The following PARD3B variants were observed in gnomAD, a reference collection of about 807,000 sequenced individuals.
The protein encoded by PARD3B is par-3 family cell polarity regulator beta, also known as partitioning defective 3 homolog B.
PARD3B carries 103 observed loss-of-function variants against 130.2 expected under a neutral mutation model. That is an observed-to-expected ratio of 0.79 (90% confidence interval 0.67 to 0.93). The LOEUF is 0.93. Ranked by LOEUF, PARD3B falls within the 40% of genes least tolerant of loss-of-function variation. PARD3B has a pLI of 0.00. For missense variants in PARD3B, 1,609 were observed against 1,499.2 expected, an observed-to-expected ratio of 1.07 and a Z score of -1.21; for synonymous variants, 583 against 553.2, an observed-to-expected ratio of 1.05 and a Z score of -0.76.
chr2:205,493,135 A>T (rs917455672), intron 20 of PARD3B, among the ~76,000 whole-genome samples: 6 of 152,140 alleles, frequency 3.9e-5, no homozygotes, highest in Admixed American at 1.3e-4. Context: ...CTGTTTAATT[A>T]TATTATAGTT....
At chr2:204,797,158 G>C (rs1274587200) in intron 2 of PARD3B, among the ~76,000 whole-genome samples, 2 of 131,926 alleles carry the variant, frequency 1.5e-5, no homozygotes, top group Admixed American at 1.7e-4. Context: ...CTGAGAGACA[G>C]AGCGAGACTC....
At position 205,586,359 on chromosome 2, in the gene PARD3B, C is replaced by T. The variant is rs193090045; in HGVS notation, c.3261-29097C>T. On this transcript the variant is annotated intron_variant, in intron 22 of 22. Coordinates refer to ENST00000406610, the MANE Select transcript of PARD3B (RefSeq NM_001302769.2). The stretch of plus-strand genomic sequence containing the variant: ...CATTTTGACTGGACTGCAGCTCAAC[C>T]TAATGTCAACTTACCATAATTCTTT... 2.0e-5 allele frequency among the ~76,000 whole-genome samples: 3 copies of T among 152,330 alleles called. No homozygotes were observed. The East Asian group carries it at 5.8e-4, about 29-fold the overall frequency.
intron 21 of PARD3B, among the ~76,000 whole-genome samples, chr2:205,514,202 C>T (rs981289061): frequency 1.3e-5 from 2 of 151,986 alleles, no homozygotes; most frequent in African/African-American, 4.8e-5. Context: ...ATGATAATAC[C>T]ATCAATTAGT....
chr2:205,066,761 T>C lies in PARD3B; in HGVS notation c.504+19071T>C, dbSNP rs189740601. On this transcript the variant is annotated intron_variant, in intron 4 of 22. Coordinates refer to ENST00000406610, the MANE Select transcript of PARD3B (RefSeq NM_001302769.2). Reference sequence around the variant, plus strand: ...TTCTGCTTTTTTTCATTTTGACGGTTTTTCTTCTAATTCTAAATCATCTAA... The same window carrying C: ...TTCTGCTTTTTTTCATTTTGACGGTCTTTCTTCTAATTCTAAATCATCTAA... Among the ~76,000 whole-genome samples the C allele has an allele frequency of 2.0e-5, 3 of 152,290 alleles. No individual in the cohort carries two copies. In the East Asian group the frequency reaches 5.8e-4, roughly 29 times the overall value.
chr2:205,494,244 C>A (rs1012279761), intron 20 of PARD3B, among the ~76,000 whole-genome samples: 2 of 152,124 alleles, frequency 1.3e-5, no homozygotes, highest in African/African-American at 4.8e-5. Context: ...CAACTGAATC[C>A]TGGTTAGGAT....
At chr2:204,954,742 A>G (rs1253494640) in intron 2 of PARD3B, among the ~76,000 whole-genome samples, 1 of 152,206 alleles carries the variant, frequency 6.6e-6, no homozygotes, top group Non-Finnish European at 1.5e-5. Flanking sequence ...GCACTGACCT[A>G]TTTTAGTCAG....
chr2:205,272,212 TAAC>T (rs1259569099), intron 16 of PARD3B, among the ~76,000 whole-genome samples: 1 of 152,054 alleles, frequency 6.6e-6, no homozygotes, highest in East Asian at 1.9e-4. Context: ...GAATGGGTGA[TAAC>T]AAGATTGATA....
chr2:205,182,780 T>C (rs2035866645), intron 13 of PARD3B, among the ~76,000 whole-genome samples: 1 of 152,184 alleles, frequency 6.6e-6, no homozygotes, highest in African/African-American at 2.4e-5. Flanking sequence ...CTGTGCTCCA[T>C]GCAGTGATTA....
At chr2:204,904,427 T>G (rs1311161713) in intron 2 of PARD3B, among the ~76,000 whole-genome samples, 1 of 152,174 alleles carries the variant, frequency 6.6e-6, no homozygotes, top group African/African-American at 2.4e-5. Flanking sequence ...GATATTTGTT[T>G]TCTTTTGTGG....
intron 2 of PARD3B, among the ~76,000 whole-genome samples, chr2:204,750,923 T>G (rs766016284): frequency 1.3e-5 from 2 of 152,214 alleles, no homozygotes; most frequent in Non-Finnish European, 2.9e-5. Context: ...ATCCTTACTC[T>G]ACTATTTCAC....
At chr2:205,210,249 A>G (rs1189175671) in intron 15 of PARD3B, among the ~76,000 whole-genome samples, 2 of 151,916 alleles carry the variant, frequency 1.3e-5, no homozygotes, top group Non-Finnish European at 2.9e-5. Context: ...AATAAAATAA[A>G]AAGAAAATCA....
rs934288133 is a variant in PARD3B, at chr2:205,191,728, A to G, written c.2025-1477A>G. On this transcript the variant is annotated intron_variant, in intron 14 of 22. Transcript: ENST00000406610. ...GAGTGTAATTTTACTCATTTTATAC[A>G]TAAGGAAATTGAAGCCCAGAGAGGT... Among the ~76,000 whole-genome samples, 60 of 152,200 alleles carry G rather than the reference A, an allele frequency of 3.9e-4. 1 individual carries two copies. Among genetic ancestry groups the G allele is most frequent in the Admixed American group, 3.3e-3 (51 of 15,282 alleles).
intron 2 of PARD3B, among the ~76,000 whole-genome samples, chr2:204,935,709 T>C (rs1245262404): frequency 6.6e-6 from 1 of 152,292 alleles, no homozygotes; most frequent in East Asian, 1.9e-4. Flanking sequence ...AAAAATAAGC[T>C]ACTTCCCCAG....
intron 16 of PARD3B, among the ~76,000 whole-genome samples, chr2:205,290,302 G>A (rs1332063094): frequency 2.0e-5 from 3 of 152,296 alleles, no homozygotes; most frequent in Admixed American, 1.3e-4. Context: ...TCTACACATA[G>A]ACTAGAATGT....
chr2:205,547,032 G>A (rs1165164924), intron 21 of PARD3B, among the ~76,000 whole-genome samples: 1 of 151,994 alleles, frequency 6.6e-6, no homozygotes, highest in African/African-American at 2.4e-5. Flanking sequence ...GATTAAATCT[G>A]TTTTTTTGGA....
chr2:205,457,258 G>A (rs1163611309), intron 20 of PARD3B, among the ~76,000 whole-genome samples: 2 of 151,948 alleles, frequency 1.3e-5, no homozygotes, highest in Admixed American at 6.6e-5. Context: ...GTTATCAAAT[G>A]TATGTGTGTA....
chr2:204,745,682 C>T (rs1340333443), intron 2 of PARD3B, among the ~76,000 whole-genome samples: 1 of 152,102 alleles, frequency 6.6e-6, no homozygotes, highest in Non-Finnish European at 1.5e-5. Context: ...GGATTACAGG[C>T]ATGAGCCACC....
chr2:204,571,060 G>A (rs181481788), intron 1 of PARD3B, among the ~76,000 whole-genome samples: 2 of 152,272 alleles, frequency 1.3e-5, no homozygotes, highest in East Asian at 1.9e-4. Flanking sequence ...ACTGAGGTGT[G>A]TAAATCCGGC....
In PARD3B at chr2:205,514,359, G is replaced by C. The variant is rs186048788; in HGVS notation, c.3180+14328G>C. 6.6e-5 allele frequency among the ~76,000 whole-genome samples: 10 copies of C among 152,196 alleles called. No individual in the cohort carries two copies. The East Asian group carries it at 1.7e-3, about 26-fold the overall frequency. ...CGTTTGGTCATGATGTAAATTATAAGTCTTCCTATGAGTTATGATTTTAGG... is the reference window on the plus strand; with the variant it reads ...CGTTTGGTCATGATGTAAATTATAACTCTTCCTATGAGTTATGATTTTAGG... On this transcript the variant is annotated intron_variant, in intron 21 of 22. Transcript: ENST00000406610.
Sources: gnomAD v4.1 joint callset for allele counts (sites outside exome capture counted in the v4.1 genomes callset) on GRCh38, gnomAD v4.1.1 for gene constraint, MANE v1.5 for transcripts, NCBI Gene and HGNC (gene_info 2026-07-23, HGNC 2026-07-21) for gene names.